Variants in ZNF236 observed in about 807,000 individuals in gnomAD.
ZNF236 encodes zinc finger protein 236, also known as regulated by glucose.
A neutral mutation model predicts 191.2 loss-of-function variants in ZNF236; 50 were observed. The ratio of observed to expected loss-of-function variants is 0.26; its 90% CI spans 0.21 to 0.33. The LOEUF (loss-of-function observed/expected upper bound fraction) is 0.33, where lower values mean the gene tolerates loss of function less well. Ranked by LOEUF, ZNF236 falls within the 10% of genes least tolerant of loss-of-function variation. The pLI, the probability that ZNF236 is intolerant of heterozygous loss-of-function variation, is 1.00. For missense variants in ZNF236, 1,754 were observed against 2,374.5 expected, an observed-to-expected ratio of 0.74 and a Z score of 5.43; for synonymous variants, 907 against 928.8, an observed-to-expected ratio of 0.98 and a Z score of 0.43.
chr18:76,936,230 A>G (rs958064685), intron 25 of ZNF236: 29 of 442,702 alleles, frequency 6.6e-5, no homozygotes, highest in South Asian at 4.5e-4. Context: ...CATCCTTAGC[A>G]ACTGGCACAG....
chr18:76,959,168 G>A (rs1041794470), intron 28 of ZNF236, among the ~76,000 whole-genome samples: 7 of 152,196 alleles, frequency 4.6e-5, no homozygotes, highest in East Asian at 1.9e-4. Flanking sequence ...CCGGGAGAAC[G>A]CACTTCAGAA....
intron 10 of ZNF236, among the ~76,000 whole-genome samples, chr18:76,895,984 C>T (rs991785530): frequency 2.0e-5 from 3 of 151,982 alleles, no homozygotes; most frequent in South Asian, 2.1e-4. Context: ...GCTGCAGCCA[C>T]GTGGGCACTG....
At chr18:76,835,827 CCTTT>C (rs1391377817) in intron 1 of ZNF236, among the ~76,000 whole-genome samples, 1 of 152,110 alleles carries the variant, frequency 6.6e-6, no homozygotes, top group African/African-American at 2.4e-5. Context: ...TTTATATTCC[CCTTT>C]CTTTCTTGCC....
Position 76,968,956 on chromosome 18 carries a change from A to T in ZNF236, c.*617A>T. 1 of 986,020 alleles carries T rather than the reference A, an allele frequency of 1.0e-6. No individual in the cohort carries two copies. The highest frequency in any genetic ancestry group is 1.2e-6 in the Non-Finnish European group (1 of 830,056). The allele number at this position is 986,020 out of a possible 1,614,324, so 61.1% of individuals were successfully genotyped here. On this transcript the variant is annotated 3_prime_UTR_variant, in exon 31 of 31. Coordinates refer to ENST00000320610, the MANE Select transcript of ZNF236 (RefSeq NM_001306089.2). ...GACAAATGTTTAATCATTAGTTACA[A>T]GAATGCAGTATCTGGGGCGTCAACA...
At chr18:76,950,429 C>T (rs1187776083) in intron 27 of ZNF236, among the ~76,000 whole-genome samples, 2 of 152,212 alleles carry the variant, frequency 1.3e-5, no homozygotes, top group Non-Finnish European at 2.9e-5. Flanking sequence ...CTTGTCTGCT[C>T]AAGTTATATA....
intron 17 of ZNF236, among the ~76,000 whole-genome samples, chr18:76,912,916 G>C (rs1967257278): frequency 1.3e-5 from 2 of 152,216 alleles, no homozygotes; most frequent in African/African-American, 4.8e-5. Context: ...GCCTCCCAAA[G>C]TGCTGGGATT....
At chr18:76,958,061 G>A (rs1018258280) in intron 28 of ZNF236, among the ~76,000 whole-genome samples, 16 of 152,142 alleles carry the variant, frequency 1.1e-4, no homozygotes, top group African/African-American at 3.9e-4. Context: ...GTGAGCTGAC[G>A]GCCATGTTGG....
At position 76,849,657 on chromosome 18, in the gene ZNF236, C is replaced by A; in HGVS notation, c.187C>A (p.Arg63=). Residue 63 remains arginine, a synonymous_variant, in exon 2 of 31, where the codon CGA becomes AGA. Coordinates refer to ENST00000320610, the MANE Select transcript of ZNF236 (RefSeq NM_001306089.2). The part of the protein sequence containing the change: ...QFQRHMRDHE[R]NDKPHRCDQC... ...TCAACGCCACATGAGGGATCACGAG[C>A]GAAATGACAAGGTATGTATTTTCAA... is the stretch of plus-strand genomic sequence containing the variant. The A allele has an allele frequency of 1.3e-6, 2 of 1,578,666 alleles. No homozygotes were observed. The highest frequency in any genetic ancestry group is 1.7e-6 in the Non-Finnish European group (2 of 1,166,142).
intron 3 of ZNF236, among the ~76,000 whole-genome samples, chr18:76,856,235 G>A (rs569906526): frequency 4.1e-4 from 62 of 151,818 alleles, no homozygotes; most frequent in African/African-American, 1.4e-3. Flanking sequence ...TGTTGCCCAG[G>A]CTAGAGGCAC....
At chr18:76,943,898 T>A (rs1968198145) in intron 26 of ZNF236, among the ~76,000 whole-genome samples, 1 of 152,240 alleles carries the variant, frequency 6.6e-6, no homozygotes, top group South Asian at 2.1e-4. Context: ...GAGTTGTGTA[T>A]AGGCCGGTAA....
At chr18:76,847,683 A>G (rs923975071) in intron 1 of ZNF236, among the ~76,000 whole-genome samples, 1 of 151,912 alleles carries the variant, frequency 6.6e-6, no homozygotes, top group Non-Finnish European at 1.5e-5. Context: ...GTTAGCCAGG[A>G]TGGTCTTGAT....
At chr18:76,848,764 CAA>C (rs1323794847) in intron 1 of ZNF236, among the ~76,000 whole-genome samples, 3 of 152,124 alleles carry the variant, frequency 2.0e-5, no homozygotes, top group African/African-American at 7.2e-5. Context: ...CTCTTGGACT[CAA>C]GAGATCCTTC....
chr18:76,830,361 G>A (rs1329460360), intron 1 of ZNF236, among the ~76,000 whole-genome samples: 1 of 151,942 alleles, frequency 6.6e-6, no homozygotes, highest in Non-Finnish European at 1.5e-5. Context: ...TTGATATTTG[G>A]GTTATTTCCA....
At chr18:76,907,782 A>C (rs1055699146) in intron 13 of ZNF236, among the ~76,000 whole-genome samples, 1 of 151,278 alleles carries the variant, frequency 6.6e-6, no homozygotes, top group African/African-American at 2.4e-5. Flanking sequence ...ACTTTGATGA[A>C]TGCTGGATAC....
At chr18:76,940,389 G>A (rs1240037578) in intron 26 of ZNF236, among the ~76,000 whole-genome samples, 1 of 149,370 alleles carries the variant, frequency 6.7e-6, no homozygotes, top group Non-Finnish European at 1.5e-5. Context: ...CACGGTGGGC[G>A]ACCCTAGCAT....
intron 1 of ZNF236, chr18:76,834,540 T>C: frequency 4.0e-6 from 2 of 496,882 alleles, no homozygotes; most frequent in Non-Finnish European, 7.8e-6. Flanking sequence ...TGTCCAGTTT[T>C]AGCCTAGTGA....
chr18:76,915,515 C>A, intron 18 of ZNF236, 132 bp from the exon 19 acceptor site: 6 of 783,108 alleles, frequency 7.7e-6, no homozygotes, highest in South Asian at 4.0e-5. Context: ...TTTTTTTTAA[C>A]CAAAGTCTGT....
intron 25 of ZNF236, among the ~76,000 whole-genome samples, chr18:76,931,440 A>G (rs1488077324): frequency 6.6e-6 from 1 of 152,206 alleles, no homozygotes; most frequent in Non-Finnish European, 1.5e-5. Flanking sequence ...CCAATCGATG[A>G]TGTTACTTTT....
intron 26 of ZNF236, among the ~76,000 whole-genome samples, chr18:76,944,279 T>C (rs984801497): frequency 6.6e-6 from 1 of 152,202 alleles, no homozygotes; most frequent in African/African-American, 2.4e-5. Flanking sequence ...GCAAAATTCA[T>C]GTGCTCCAGG....
Sources: gnomAD v4.1 joint callset for allele counts (sites outside exome capture counted in the v4.1 genomes callset) on GRCh38, gnomAD v4.1.1 for gene constraint, MANE v1.5 for transcripts, NCBI Gene and HGNC (gene_info 2026-07-23, HGNC 2026-07-21) for gene names.